Variants in FGF14 observed in about 807,000 individuals in gnomAD.
FGF14 encodes fibroblast growth factor homologous factor 4.
Under a neutral mutation model 25.5 loss-of-function variants are expected in FGF14, and 5 were observed. That is an observed-to-expected ratio of 0.20 (90% CI 0.10 to 0.41). The LOEUF (loss-of-function observed/expected upper bound fraction) is 0.41, where lower values mean the gene tolerates loss of function less well. Among genes scored for constraint, FGF14 ranks in the 10% least tolerant of loss-of-function variants. FGF14 has a pLI of 1.00. For missense variants in FGF14, 222 were observed against 320.1 expected (o/e 0.69, Z 2.34); for synonymous variants, 138 against 118.3 (o/e 1.17, Z -1.08).
At chr13:101,746,454 G>A (rs935547433) in intron 3 of FGF14, among the ~76,000 whole-genome samples, 2 of 151,884 alleles carry the variant, frequency 1.3e-5, no homozygotes, top group Non-Finnish European at 2.9e-5. Context: ...GAAAACTCTA[G>A]CTCAGTGGTG....
intron 1 of FGF14, among the ~76,000 whole-genome samples, chr13:101,897,836 T>C (rs949778055): frequency 6.6e-6 from 1 of 152,200 alleles, no homozygotes; most frequent in African/African-American, 2.4e-5. Context: ...ACTGACATGA[T>C]GTTCAATGGT....
intron 1 of FGF14, among the ~76,000 whole-genome samples, chr13:102,032,920 A>C (rs1182519033): frequency 6.6e-6 from 1 of 152,146 alleles, no homozygotes; most frequent in African/African-American, 2.4e-5. Context: ...CTACCTGAGA[A>C]GGAACAATGA....
At position 102,374,641 on chromosome 13, in the gene FGF14, ATT is replaced by A. The variant is rs1420353035; in HGVS notation, c.208+26828_208+26829del. Among the ~76,000 whole-genome samples the A allele has an allele frequency of 5.6e-4, 55 of 98,140 alleles. 2 individuals carry two copies. The highest frequency in any genetic ancestry group is 6.5e-3 in the Middle Eastern group (1 of 154). 64.4% of individuals were successfully genotyped at this position (98,140 alleles called of 152,430 possible). A position where few individuals can be genotyped will look rare whatever the true frequency, so the allele number is the denominator to read the frequency against. On this transcript the variant is annotated intron_variant, in intron 1 of 4. Transcript: ENST00000376131. ...ATATTTTTTAATACATATCTTACAT[ATT>A]TTATATATATATATATATATATATA...
intron 1 of FGF14, among the ~76,000 whole-genome samples, chr13:102,079,563 G>A (rs1338572002): frequency 1.3e-5 from 2 of 152,024 alleles, no homozygotes; most frequent in East Asian, 3.9e-4. Flanking sequence ...TTACAGGTGT[G>A]AGCTACCATA....
intron 1 of FGF14, among the ~76,000 whole-genome samples, chr13:102,137,066 TAA>T (rs1327168552): frequency 6.6e-6 from 1 of 152,234 alleles, no homozygotes; most frequent in Admixed American, 6.5e-5. Context: ...TAAACTATGC[TAA>T]AGTTTGGCTA....
rs574430393 is a variant in FGF14 at position 102,307,340 on chromosome 13, T to C, written c.208+94131A>G. Reference sequence around the variant, plus strand: ...TGAGATCCACAGGAGACTTCTGACCTGCAGAACTGTTTGATCATAAATTTG... The same window carrying C: ...TGAGATCCACAGGAGACTTCTGACCCGCAGAACTGTTTGATCATAAATTTG... On this transcript the variant is annotated intron_variant, in intron 1 of 4. Coordinates refer to the FGF14 transcript ENST00000376131. 1.2e-4 allele frequency among the ~76,000 whole-genome samples: 18 copies of C among 152,336 alleles called. No individual in the cohort carries two copies. The East Asian group carries it at 3.5e-3, about 29-fold the overall frequency.
intron 1 of FGF14, among the ~76,000 whole-genome samples, chr13:102,353,183 G>A (rs946831658): frequency 1.3e-5 from 2 of 152,210 alleles, no homozygotes; most frequent in Non-Finnish European, 2.9e-5. Flanking sequence ...ATAGTCACGA[G>A]AGCAGTGAGG....
chr13:101,811,055 C>T (rs1435525058), intron 3 of FGF14, among the ~76,000 whole-genome samples: 2 of 132,968 alleles, frequency 1.5e-5, no homozygotes, highest in Non-Finnish European at 3.3e-5. Flanking sequence ...CCCGCATTAT[C>T]GACATTCCCC....
intron 3 of FGF14, among the ~76,000 whole-genome samples, chr13:101,837,485 G>A (rs76875869): frequency 0.015 from 2,280 of 152,174 alleles, 53 homozygotes; most frequent in African/African-American, 0.053. Flanking sequence ...GTTGCGTAAT[G>A]TGCTGAATAA....
intron 1 of FGF14, among the ~76,000 whole-genome samples, chr13:102,261,166 A>G (rs1384796529): frequency 1.3e-5 from 2 of 152,242 alleles, no homozygotes; most frequent in Non-Finnish European, 2.9e-5. Flanking sequence ...AATAAGATCC[A>G]CTTGGACTGA....
chr13:101,777,015 C>T (rs1346837916), intron 3 of FGF14, among the ~76,000 whole-genome samples: 1 of 152,126 alleles, frequency 6.6e-6, no homozygotes, highest in Non-Finnish European at 1.5e-5. Context: ...CTAATCAACT[C>T]CCAAAGACCT....
At chr13:102,122,430 A>G (rs1046600628) in intron 1 of FGF14, among the ~76,000 whole-genome samples, 22 of 152,164 alleles carry the variant, frequency 1.4e-4, no homozygotes, top group Non-Finnish European at 2.8e-4. Flanking sequence ...CCCCTAGCCC[A>G]TATGTGCCCA....
intron 1 of FGF14, among the ~76,000 whole-genome samples, chr13:102,010,608 A>T (rs2040028519): frequency 6.6e-6 from 1 of 152,178 alleles, no homozygotes; most frequent in Non-Finnish European, 1.5e-5. Context: ...TTTCTGGAAA[A>T]ACCTAGGTTT....
intron 1 of FGF14, among the ~76,000 whole-genome samples, chr13:101,953,301 T>C (rs73567891): frequency 0.03 from 4,528 of 152,180 alleles, 98 homozygotes; most frequent in Non-Finnish European, 0.043. Context: ...CTTTTCCTTT[T>C]TAATTAATTC....
chr13:101,929,414 G>A (rs1449331564), intron 1 of FGF14, among the ~76,000 whole-genome samples: 2 of 152,208 alleles, frequency 1.3e-5, no homozygotes, highest in Non-Finnish European at 1.5e-5. Context: ...AGCGGAAGCA[G>A]CCTAATCTGT....
intron 1 of FGF14, among the ~76,000 whole-genome samples, chr13:102,021,729 C>T (rs1251434157): frequency 1.3e-5 from 2 of 152,060 alleles, no homozygotes; most frequent in Non-Finnish European, 2.9e-5. Context: ...ATAATTTATA[C>T]TCACTGCCAG....
At chr13:101,850,277 TCCAAAAAAAAAA>T (rs1295138098) in intron 3 of FGF14, among the ~76,000 whole-genome samples, 3 of 35,618 alleles carry the variant, frequency 8.4e-5, no homozygotes, top group Admixed American at 4.6e-4. Flanking sequence ...CTACTAAAAA[TCCAAAAAAAAAA>T]AAAAAAAAAA....
At position 101,721,019 on chromosome 13, in the gene FGF14, A is replaced by ATAAT. The variant is rs1471557214; in HGVS notation, c.*1808_*1811dup. ...GAAGATTTATGAAAGCAGTGACAAA[A>ATAAT]TAATTTCCCAATAAATACAGTGCAG... On this transcript the variant is annotated 3_prime_UTR_variant, in exon 5 of 5. Transcript: ENST00000376143. 2.0e-5 allele frequency: 3 copies of ATAAT among 152,154 alleles called. No individual in the cohort carries two copies. The highest frequency in any genetic ancestry group is 7.2e-5 in the African/African-American group (3 of 41,452). The allele number at this position is 152,154 out of a possible 1,614,324, so 9.4% of individuals were successfully genotyped here.
intron 1 of FGF14, among the ~76,000 whole-genome samples, chr13:101,953,996 A>C (rs2036348876): frequency 6.6e-6 from 1 of 152,194 alleles, no homozygotes; most frequent in African/African-American, 2.4e-5. Flanking sequence ...TGAGGGAATA[A>C]CTAGAGATTG....
Sources: gnomAD v4.1 joint callset for allele counts (sites outside exome capture counted in the v4.1 genomes callset) on GRCh38, gnomAD v4.1.1 for gene constraint, MANE v1.5 for transcripts, NCBI Gene and HGNC (gene_info 2026-07-23, HGNC 2026-07-21) for gene names.